CMTM8: variants seen among roughly 807,000 people sequenced by gnomAD.
The protein encoded by CMTM8 is CKLF like MARVEL transmembrane domain containing 8.
CMTM8 carries 12 observed loss-of-function variants against 18.6 expected under a neutral mutation model. The observed-to-expected ratio is 0.65, with a 90% CI of 0.41 to 1.05. The LOEUF is 1.05. Ranked by LOEUF, CMTM8 falls within the 50% of genes least tolerant of loss-of-function variation. The pLI is 0.00. For missense variants in CMTM8, 217 were observed against 227.2 expected, an observed-to-expected ratio of 0.95 and a Z score of 0.29; for synonymous variants, 87 against 90.6, an observed-to-expected ratio of 0.96 and a Z score of 0.23.
intron 1 of CMTM8, among the ~76,000 whole-genome samples, chr3:32,310,401 A>T (rs781165871): frequency 2.0e-5 from 3 of 152,138 alleles, no homozygotes; most frequent in African/African-American, 7.2e-5. Context: ...CTGTCTGGAG[A>T]TGCTTTAGAG....
chr3:32,274,529 G>A (rs991080825), intron 1 of CMTM8, among the ~76,000 whole-genome samples: 6 of 152,046 alleles, frequency 3.9e-5, no homozygotes, highest in Admixed American at 3.9e-4. Context: ...CTGTCTGTCT[G>A]CTTCATATTT....
At chr3:32,316,398 T>TA (rs951099991) in intron 1 of CMTM8, among the ~76,000 whole-genome samples, 44 of 151,610 alleles carry the variant, frequency 2.9e-4, no homozygotes, top group Middle Eastern at 3.4e-3. Context: ...GCCATTGTCT[T>TA]AAAAAAAAAG....
intron 1 of CMTM8, among the ~76,000 whole-genome samples, chr3:32,274,559 A>G (rs771088498): frequency 2.3e-4 from 35 of 152,148 alleles, no homozygotes; most frequent in Non-Finnish European, 4.6e-4. Context: ...AATTGAGAGT[A>G]GGTTGCAGAC....
At chr3:32,308,885 C>G (rs1201623573) in intron 1 of CMTM8, among the ~76,000 whole-genome samples, 1 of 152,138 alleles carries the variant, frequency 6.6e-6, no homozygotes. Context: ...GGGGTCACAG[C>G]AGCCCTACCA....
chr3:32,272,355 C>T (rs1482252031), intron 1 of CMTM8, among the ~76,000 whole-genome samples: 3 of 152,088 alleles, frequency 2.0e-5, no homozygotes, highest in African/African-American at 7.2e-5. Flanking sequence ...ACTCTTTCAA[C>T]AAATAATGGA....
chr3:32,290,953 G>T (rs1208266178), intron 1 of CMTM8, among the ~76,000 whole-genome samples: 3 of 152,106 alleles, frequency 2.0e-5, no homozygotes, highest in African/African-American at 7.2e-5. Context: ...TTGCCATGTT[G>T]CCCAGGCTGG....
chr3:32,278,896 C>T (rs1029642007), intron 1 of CMTM8, among the ~76,000 whole-genome samples: 1 of 152,154 alleles, frequency 6.6e-6, no homozygotes, highest in African/African-American at 2.4e-5. Flanking sequence ...ACAGCCTGTA[C>T]AGCTGTAGAT....
intron 1 of CMTM8, among the ~76,000 whole-genome samples, chr3:32,346,828 T>C (rs1445347365): frequency 2.6e-5 from 4 of 151,488 alleles, no homozygotes; most frequent in Non-Finnish European, 5.9e-5. Context: ...TTTTTTTTTT[T>C]TTCTTTTTTT....
intron 1 of CMTM8, among the ~76,000 whole-genome samples, chr3:32,241,410 C>T (rs561032497): frequency 5.9e-5 from 9 of 152,090 alleles, no homozygotes; most frequent in Non-Finnish European, 1.3e-4. Flanking sequence ...AATCATACTT[C>T]GAATTTTGAA....
intron 1 of CMTM8, among the ~76,000 whole-genome samples, chr3:32,242,367 A>G (rs1213282625): frequency 1.3e-5 from 2 of 152,206 alleles, no homozygotes; most frequent in Non-Finnish European, 2.9e-5. Context: ...TTACTCTGTC[A>G]TCAGGCTGGA....
In CMTM8 at chr3:32,239,101, C is replaced by T. The variant is rs781435212; in HGVS notation, c.129C>T (p.Phe43=). 83 of 1,600,802 alleles carry T rather than the reference C, an allele frequency of 5.2e-5. No individual in the cohort carries two copies. The highest frequency in any genetic ancestry group is 4.9e-4 in the Middle Eastern group (3 of 6,066). The change falls in exon 1 of 4, where the codon TTC becomes TTT. Residue 43 remains phenylalanine, a synonymous_variant. Coordinates refer to ENST00000307526, the MANE Select transcript of CMTM8 (RefSeq NM_178868.5). ...DREFLRTLPG[F]LIVAEIVLGL... The stretch of plus-strand genomic sequence containing the variant: ...AGTTCCTCCGCACCCTGCCCGGCTT[C>T]CTCATCGTGGCCGAGATCGTGAGTG...
intron 2 of CMTM8, among the ~76,000 whole-genome samples, chr3:32,367,004 T>TC (rs1326096446): frequency 1.3e-5 from 2 of 151,882 alleles, no homozygotes; most frequent in Admixed American, 6.6e-5. Flanking sequence ...AGCTTTTTTT[T>TC]CTCTGAGAAG....
At chr3:32,299,577 G>A (rs1695571627) in intron 1 of CMTM8, among the ~76,000 whole-genome samples, 1 of 152,118 alleles carries the variant, frequency 6.6e-6, no homozygotes, top group Non-Finnish European at 1.5e-5. Context: ...ATCACATCTT[G>A]GAAAATGAGG....
At chr3:32,365,052 G>T (rs753544959) in intron 2 of CMTM8, among the ~76,000 whole-genome samples, 28 of 152,146 alleles carry the variant, frequency 1.8e-4, no homozygotes, top group Non-Finnish European at 3.7e-4. Flanking sequence ...AGACCCTGGA[G>T]ATGGCCAAGT....
chr3:32,297,953 C>T (rs1695507270), intron 1 of CMTM8, among the ~76,000 whole-genome samples: 1 of 151,834 alleles, frequency 6.6e-6, no homozygotes, highest in South Asian at 2.1e-4. Flanking sequence ...AACTCAAGCA[C>T]CAAGGTAAAG....
chr3:32,264,659 A>C (rs1227361755), intron 1 of CMTM8, among the ~76,000 whole-genome samples: 1 of 152,220 alleles, frequency 6.6e-6, no homozygotes, highest in African/African-American at 2.4e-5. Context: ...AGACTGGCAA[A>C]TTGGATCAAG....
intron 1 of CMTM8, among the ~76,000 whole-genome samples, chr3:32,301,832 C>A (rs1695624415): frequency 6.6e-6 from 1 of 152,046 alleles, no homozygotes; most frequent in African/African-American, 2.4e-5. Flanking sequence ...AAGAGGTTTC[C>A]ATTTCGAGTC....
At chr3:32,298,931 ATATATATATGTATATATATATATATTTT>A (rs1273358969) in intron 1 of CMTM8, among the ~76,000 whole-genome samples, 20 of 137,738 alleles carry the variant, frequency 1.5e-4, no homozygotes, top group African/African-American at 4.6e-4. Flanking sequence ...ACACATATAT[ATATATATATGTATATATATATATATTTT>A]TTTTTTTTTA....
chr3:32,298,872 C>A (rs1163339058), intron 1 of CMTM8, among the ~76,000 whole-genome samples: 3 of 144,888 alleles, frequency 2.1e-5, no homozygotes, highest in Non-Finnish European at 4.5e-5. Context: ...CATATATATA[C>A]ACACACATAC....
Sources: gnomAD v4.1 joint callset for allele counts (sites outside exome capture counted in the v4.1 genomes callset) on GRCh38, gnomAD v4.1.1 for gene constraint, MANE v1.5 for transcripts, NCBI Gene and HGNC (gene_info 2026-07-23, HGNC 2026-07-21) for gene names.